Variants in AK2 observed in about 807,000 individuals in gnomAD.
AK2 encodes adenylate kinase 2, mitochondrial.
AK2 carries 15 observed loss-of-function variants against 24.6 expected under a neutral mutation model. That is an observed-to-expected ratio of 0.61 (90% CI 0.41 to 0.94). AK2 has a LOEUF of 0.94. AK2 is among the 40% of genes least tolerant of loss of function. The probability of loss-of-function intolerance (pLI) is 0.00; values close to 1 mark genes in which losing one functional copy is unlikely to be tolerated. For synonymous variants in AK2, 102 were observed against 114.0 expected, an observed-to-expected ratio of 0.90 and a Z score of 0.67; for missense variants, 257 against 304.1, an observed-to-expected ratio of 0.85 and a Z score of 1.15.
At position 33,021,676 on chromosome 1, in the gene AK2, T is replaced by A; in HGVS notation, c.247A>T (p.Ile83Phe). The change falls in exon 3 of 6, where the codon ATT becomes TTT. Residue 83 changes from isoleucine (I) to phenylalanine (F), a missense_variant. Coordinates refer to ENST00000672715, the MANE Select transcript of AK2 (RefSeq NM_001625.4). ...AAGGGGGTCTCCAAATTCTTCTCAA[T>A]GAGCTCCACTACCATTTCATCACTC... is the stretch of plus-strand genomic sequence containing the variant. ...LVSDEMVVEL[I>F]EKNLETPLCK... 6.2e-7 allele frequency: 1 copy of A among 1,613,886 alleles called. No individual in the cohort carries two copies. The highest frequency in any genetic ancestry group is 8.5e-7 in the Non-Finnish European group (1 of 1,179,764).
rs1362188493 is a variant in AK2 at position 33,013,002 on chromosome 1, A to C, written c.*179T>G. The C allele has an allele frequency of 3.1e-6, 5 of 1,590,364 alleles. No homozygotes were observed. Among genetic ancestry groups the C allele is most frequent in the Admixed American group, 3.4e-5 (2 of 59,470 alleles). On this transcript the variant is annotated 3_prime_UTR_variant, in exon 6 of 6. Coordinates refer to ENST00000672715, the MANE Select transcript of AK2 (RefSeq NM_001625.4). ...TGTGCATGCACACACACACACACACAACACACATACACACAGATGAGAGTA... is the reference window on the plus strand; with the variant it reads ...TGTGCATGCACACACACACACACACCACACACATACACACAGATGAGAGTA...
intron 1 of AK2, among the ~76,000 whole-genome samples, chr1:33,033,159 CA>C (rs535373703): frequency 1.7e-3 from 147 of 88,540 alleles, no homozygotes; most frequent in Non-Finnish European, 1.5e-3. Flanking sequence ...GACTCTGTCT[CA>C]AAAAAAAAAA....
intron 4 of AK2, among the ~76,000 whole-genome samples, chr1:33,017,010 T>A (rs1639235618): frequency 6.6e-6 from 1 of 152,124 alleles, no homozygotes; most frequent in South Asian, 2.1e-4. Flanking sequence ...CGGTCTAGTT[T>A]TTTAATTTTT....
chr1:33,032,407 G>A (rs910275266), intron 1 of AK2: 3 of 152,204 alleles, frequency 2.0e-5, no homozygotes, highest in African/African-American at 4.8e-5. Flanking sequence ...AACCGAAAAC[G>A]CTCTGTGGTC....
chr1:33,027,106 C>T (rs1639940474), intron 1 of AK2, among the ~76,000 whole-genome samples: 2 of 152,260 alleles, frequency 1.3e-5, no homozygotes, highest in Non-Finnish European at 2.9e-5. Flanking sequence ...AGCAAGACTA[C>T]GTCTCAAACA....
At chr1:33,016,301 T>C (rs575065074) in intron 4 of AK2, among the ~76,000 whole-genome samples, 26 of 152,308 alleles carry the variant, frequency 1.7e-4, no homozygotes, top group Admixed American at 2.6e-4. Flanking sequence ...AAGCTCCGCC[T>C]CCTGGGTTCA....
At chr1:33,007,970 A>T (rs766631954), downstream of AK2, 4 of 452,566 alleles carry the variant, frequency 8.8e-6, no homozygotes, top group South Asian at 6.2e-5. Context: ...AAATGAGATA[A>T]TGCATGCAGA....
At chr1:33,020,260 C>A in intron 4 of AK2, 1 of 983,504 alleles carries the variant, frequency 1.0e-6, no homozygotes, top group South Asian at 1.5e-5. Context: ...AATTCTTCCT[C>A]CATTTTCTAA....
chr1:33,029,051 A>T (rs1640080663), intron 1 of AK2, among the ~76,000 whole-genome samples: 1 of 152,222 alleles, frequency 6.6e-6, no homozygotes. Flanking sequence ...ATAGAACAGA[A>T]AACAGTGTCT....
chr1:33,021,726 C>G (rs1261553926), intron 2 of AK2, 23 bp from the exon 3 acceptor site: 9 of 1,584,772 alleles, frequency 5.7e-6, no homozygotes, highest in Non-Finnish European at 7.8e-6. Flanking sequence ...AACAAAATAG[C>G]CTTGGGTTTA....
rs1638959411 is a variant in AK2 at position 33,013,301 on chromosome 1, G to A, written c.600C>T (p.Tyr200=). ...YHTQTTPLIE[Y]YRKRGIHSAI... Reference sequence around the variant, plus strand: ...CGGAGTGGATCCCCCGTTTCCTGTAGTACTCTATGAGTGGGGTGGTTTGAG... The same window carrying A: ...CGGAGTGGATCCCCCGTTTCCTGTAATACTCTATGAGTGGGGTGGTTTGAG... Residue 200 remains tyrosine, a synonymous_variant, in exon 6 of 6, where the codon TAC becomes TAT. Coordinates refer to ENST00000672715, the MANE Select transcript of AK2 (RefSeq NM_001625.4). 1 of 1,614,184 alleles carries A rather than the reference G, an allele frequency of 6.2e-7. No individual in the cohort carries two copies. Among genetic ancestry groups the A allele is most frequent in the Non-Finnish European group, 8.5e-7 (1 of 1,180,020 alleles).
intron 1 of AK2, chr1:33,031,096 T>C (rs1640208313): frequency 6.6e-6 from 1 of 152,220 alleles, no homozygotes; most frequent in Non-Finnish European, 1.5e-5. Context: ...CCAACCTCAC[T>C]GGGTGGACAG....
chr1:33,012,411 AC>A lies in AK2; in HGVS notation c.*769del. 2 of 1,494,534 alleles carry A rather than the reference AC, an allele frequency of 1.3e-6. No homozygotes were observed. The highest frequency in any genetic ancestry group is 1.8e-6 in the Non-Finnish European group (2 of 1,122,404). The allele number at this position is 1,494,534 out of a possible 1,614,324, so 92.6% of individuals were successfully genotyped here. ...GTGGGTTTTCATCATGGGTTAGAAA[AC>A]AAAATGGAATTCTCTGTCCATAATG... On this transcript the variant is annotated 3_prime_UTR_variant, in exon 6 of 6. Coordinates refer to ENST00000672715, the MANE Select transcript of AK2 (RefSeq NM_001625.4).
chr1:33,029,310 G>A (rs1640095914), intron 1 of AK2: 1 of 151,890 alleles, frequency 6.6e-6, no homozygotes, highest in Non-Finnish European at 1.5e-5. Context: ...ATCGGCATGG[G>A]AATTTTGGCC....
Position 33,021,437 on chromosome 1 carries a change from T to C in AK2, c.355A>G (p.Lys119Glu). 6.2e-7 allele frequency: 1 copy of C among 1,614,142 alleles called. No homozygotes were observed. The highest frequency in any genetic ancestry group is 8.5e-7 in the Non-Finnish European group (1 of 1,180,012). ...EMLDDLMEKR[K>E]EKLDSVIEFS... ...TCAATCACAGAATCAAGCTTCTCTTTCCTCTTCTCCATGAGGTCATCGAGC... is the reference window on the plus strand; with the variant it reads ...TCAATCACAGAATCAAGCTTCTCTTCCCTCTTCTCCATGAGGTCATCGAGC... The change falls in exon 4 of 6, where the codon AAA becomes GAA. Residue 119 changes from lysine to glutamate, a missense_variant. By Grantham distance (56) the Lys-to-Glu change is moderately conservative. Coordinates refer to ENST00000672715, the MANE Select transcript of AK2 (RefSeq NM_001625.4).
chr1:33,023,828 A>T (rs921303112), intron 2 of AK2, among the ~76,000 whole-genome samples: 8 of 152,214 alleles, frequency 5.3e-5, no homozygotes, highest in Admixed American at 3.9e-4. Flanking sequence ...CAAGAATACT[A>T]TGAATGAGTG....
In AK2 at chr1:33,009,378, G is replaced by GAAA. The variant is rs1164910540; in HGVS notation, c.*3800_*3802dup. The stretch of plus-strand genomic sequence containing the variant: ...AACAAAGAGTGTTAAAGAAGCAACT[G>GAAA]AAAAGGTAGTCAAAGATCTGGCTTA... On this transcript the variant is annotated 3_prime_UTR_variant, in exon 6 of 6. Coordinates refer to ENST00000672715, the MANE Select transcript of AK2 (RefSeq NM_001625.4). 4 of 454,110 alleles carry GAAA rather than the reference G, an allele frequency of 8.8e-6. No individual in the cohort carries two copies. The highest frequency in any genetic ancestry group is 6.2e-5 in the South Asian group (4 of 64,462). The allele number at this position is 454,110 out of a possible 1,614,324, so 28.1% of individuals were successfully genotyped here.
chr1:33,023,268 A>T (rs1325765833), intron 2 of AK2, among the ~76,000 whole-genome samples: 8 of 152,202 alleles, frequency 5.3e-5, no homozygotes, highest in Admixed American at 5.2e-4. Context: ...TGGCCTAAAG[A>T]AGGAGAAAAT....
intron 1 of AK2, chr1:33,031,948 T>A: frequency 4.2e-6 from 1 of 240,012 alleles, no homozygotes; most frequent in Non-Finnish European, 8.6e-6. Flanking sequence ...TTTTAAAACA[T>A]TACATTGATG....
Sources: allele counts gnomAD v4.1 joint callset (sites outside exome capture counted in the v4.1 genomes callset), GRCh38; gene constraint gnomAD v4.1.1; transcripts MANE v1.5; gene names NCBI Gene and HGNC (gene_info 2026-07-23, HGNC 2026-07-21).